MTMR11: variants seen among roughly 807,000 people sequenced by gnomAD.
MTMR11 encodes the protein myotubularin-related protein 11.
A neutral mutation model predicts 100.0 loss-of-function variants in MTMR11; 89 were observed. The ratio of observed to expected loss-of-function variants is 0.89; its 90% CI spans 0.75 to 1.06. The LOEUF (loss-of-function observed/expected upper bound fraction) is 1.06. Ranked by LOEUF, MTMR11 falls within the 50% of genes least tolerant of loss-of-function variation. MTMR11 has a pLI of 0.00. For synonymous variants in MTMR11, 336 were observed against 326.3 expected (o/e 1.03, Z -0.32); for missense variants, 809 against 873.7 (o/e 0.93, Z 0.93).
In MTMR11 at chr1:149,934,396, G is replaced by C. The variant is rs181227595; in HGVS notation, c.547+52C>G. The C allele has an allele frequency of 3.6e-4, 583 of 1,613,382 alleles. 1 individual carries two copies. In the African/African-American group the frequency reaches 7.0e-3, roughly 19 times the overall value. On this transcript the variant is annotated intron_variant, in intron 6 of 16. Transcript: ENST00000439741. The stretch of plus-strand genomic sequence containing the variant: ...ACAGCTTCTCAGCTCTTTGTCATCA[G>C]CCATCCTCTGCTTTTTCAGACTCTT...
At chr1:149,935,484 T>C (rs1461205458) in intron 3 of MTMR11, 100 bp downstream of exon 3, 10 of 1,577,946 alleles carry the variant, frequency 6.3e-6, no homozygotes, top group African/African-American at 1.3e-5. Flanking sequence ...AATGATACAT[T>C]CAAAAGACAG....
chr1:149,934,167 G>C (rs1250471100), intron 7 of MTMR11, 24 bp downstream of exon 7: 1 of 1,613,480 alleles, frequency 6.2e-7, no homozygotes, highest in Non-Finnish European at 8.5e-7. Context: ...AGAGCAGCAG[G>C]GTTGGGGTGC....
At position 149,935,320 on chromosome 1, in the gene MTMR11, T is replaced by C; in HGVS notation, c.304A>G (p.Asn102Asp). ...TTACCAGCCTCTAATCGTCCAATGTTGACCAGGGCAAAATCGTATTCACTG... is the reference window on the plus strand; with the variant it reads ...TTACCAGCCTCTAATCGTCCAATGTCGACCAGGGCAAAATCGTATTCACTG... ...LNSEYDFALV[N>D]IGRLEAVSGL... Residue 102 changes from asparagine to aspartate, a missense_variant, in exon 4 of 17, where the codon AAC becomes GAC. Transcript: ENST00000439741. 1 of 1,613,730 alleles carries C rather than the reference T, an allele frequency of 6.2e-7. No homozygotes were observed. Among genetic ancestry groups the C allele is most frequent in the Non-Finnish European group, 8.5e-7 (1 of 1,179,866 alleles).
At position 149,932,173 on chromosome 1, in the gene MTMR11, G is replaced by C. The variant is rs2092668942; in HGVS notation, c.1052+91C>G. On this transcript the variant is annotated intron_variant, in intron 11 of 16. Coordinates refer to ENST00000439741, the MANE Select transcript of MTMR11 (RefSeq NM_001145862.2). ...AGTCTTCTTGGGAAACCGAGGAGAA[G>C]AACTAAAGAAAGGCCATTTAGGACC... 3 of 1,438,218 alleles carry C rather than the reference G, an allele frequency of 2.1e-6. No homozygotes were observed. The East Asian group carries it at 6.8e-5, about 33-fold the overall frequency. 89.1% of individuals were successfully genotyped at this position (1,438,218 alleles called of 1,614,324 possible).
At position 149,935,694 on chromosome 1, in the gene MTMR11, G is replaced by A. The variant is rs1347776009; in HGVS notation, c.154C>T (p.Leu52=). The change falls in exon 3 of 17, where the codon CTA becomes TTA. Residue 52 remains leucine, a synonymous_variant. Transcript: ENST00000439741. ...TTCCTCACCCCTGGGGCCCATGCTA[G>A]GATCTGCTCCCCTAAAGGGGAAGAA... is the stretch of plus-strand genomic sequence containing the variant. ...ASRCLPGEQI[L]AWAPGVRKGL... is the part of the protein sequence containing the mutation. The A allele has an allele frequency of 6.2e-7, 1 of 1,607,034 alleles. No individual in the cohort carries two copies. The highest frequency in any genetic ancestry group is 8.5e-7 in the Non-Finnish European group (1 of 1,176,764).
rs144230247 is a variant in MTMR11, at chr1:149,929,874, A to G, written c.1690T>C (p.Phe564Leu). Residue 564 changes from phenylalanine to leucine, a missense_variant, in exon 16 of 17, where the codon TTC becomes CTC. By Grantham distance (22) the Phe-to-Leu change is conservative. Transcript: ENST00000439741. ...VPGPPSSVWL[F>L]SRGALTPLNQ... The stretch of plus-strand genomic sequence containing the variant: ...AGGGGGGTCAATGCTCCTCTAGAGA[A>G]GAGCCACACAGAACTGGGGGGTCCA... 447 of 1,614,138 alleles carry G rather than the reference A, an allele frequency of 2.8e-4. 1 individual carries two copies. Among genetic ancestry groups the G allele is most frequent in the Middle Eastern group, 1.3e-3 (8 of 6,062 alleles).
chr1:149,936,286 C>G, intron 1 of MTMR11, 57 bp from the exon 2 acceptor site: 1 of 1,608,446 alleles, frequency 6.2e-7, no homozygotes. Flanking sequence ...CCCCAACTCC[C>G]CAGAGGCAGC....
chr1:149,930,740 G>C, intron 14 of MTMR11, 52 bp downstream of exon 14: 1 of 1,499,104 alleles, frequency 6.7e-7, no homozygotes. Context: ...AAACTTCAGA[G>C]AGTACATCTC....
chr1:149,933,175 T>A (rs1375506003), intron 10 of MTMR11, among the ~76,000 whole-genome samples: 1 of 151,876 alleles, frequency 6.6e-6, no homozygotes, highest in Non-Finnish European at 1.5e-5. Context: ...AGGTTGGTCT[T>A]GAACTCCTGC....
Position 149,933,716 on chromosome 1 carries a change from G to A in MTMR11, c.772-18C>T, listed in dbSNP as rs1553768214. 1 of 1,613,926 alleles carries A rather than the reference G, an allele frequency of 6.2e-7. No individual in the cohort carries two copies. The highest frequency in any genetic ancestry group is 2.2e-5 in the East Asian group (1 of 44,886). On this transcript the variant is annotated intron_variant, in intron 8 of 16. Transcript: ENST00000439741. ...GACAAGCGCTTCACATGGGGCAGAA[G>A]AGGGTCATTGTGGGAGAAATGCCTA...
chr1:149,930,847 TCAGGAACCC>T lies in MTMR11; in HGVS notation c.1400_1408del (p.Arg467_Asp470delinsAsn), dbSNP rs2092649134. 1 of 1,609,510 alleles carries T rather than the reference TCAGGAACCC, an allele frequency of 6.2e-7. No homozygotes were observed. The highest frequency in any genetic ancestry group is 1.7e-5 in the Admixed American group (1 of 58,980). On this transcript the variant is annotated inframe_deletion, in exon 14 of 17. Transcript: ENST00000439741. The stretch of plus-strand genomic sequence containing the variant: ...GGTATTTCTCAGGAAGGTAAGGGTG[TCAGGAACCC>T]TGACACTGTCATGAAGAGCAAGAAG...
chr1:149,933,565 C>T (rs782381450), intron 9 of MTMR11, 35 bp from the exon 10 acceptor site: 2 of 1,614,124 alleles, frequency 1.2e-6, no homozygotes, highest in Non-Finnish European at 1.7e-6. Flanking sequence ...AAGGAGTCTA[C>T]CCTGAGCACC....
At chr1:149,934,033 T>C (rs1559808291) in intron 7 of MTMR11, 91 bp from the exon 8 acceptor site, 4 of 1,536,678 alleles carry the variant, frequency 2.6e-6, no homozygotes, top group South Asian at 2.3e-5. Context: ...AGAGGGACCA[T>C]TCCAAGGGAT....
chr1:149,933,581 C>G, intron 9 of MTMR11, 29 bp downstream of exon 9: 2 of 1,614,120 alleles, frequency 1.2e-6, no homozygotes, highest in Non-Finnish European at 8.5e-7. Flanking sequence ...GCACCTAACC[C>G]TTGATTCTTC....
At chr1:149,936,328 G>A in intron 1 of MTMR11, 99 bp from the exon 2 acceptor site, 2 of 1,543,564 alleles carry the variant, frequency 1.3e-6, no homozygotes, top group Non-Finnish European at 1.7e-6. Flanking sequence ...ACACTCTCGG[G>A]GGAAACTGAG....
chr1:149,932,130 T>A lies in MTMR11; in HGVS notation c.1053-116A>T, dbSNP rs587624287. 5 of 1,391,124 alleles carry A rather than the reference T, an allele frequency of 3.6e-6. No individual in the cohort carries two copies. The South Asian group carries it at 5.8e-5, about 16-fold the overall frequency. 86.2% of individuals were successfully genotyped at this position (1,391,124 alleles called of 1,614,324 possible). A position where few individuals can be genotyped will look rare whatever the true frequency, so the allele number is the denominator to read the frequency against. The stretch of plus-strand genomic sequence containing the variant: ...CTCCAAATCCTACCCCTCCTCCTTC[T>A]AAAGAGCAGAAAATGGCAGTCTTCT... On this transcript the variant is annotated intron_variant, in intron 11 of 16. Coordinates refer to ENST00000439741, the MANE Select transcript of MTMR11 (RefSeq NM_001145862.2).
chr1:149,929,543 C>G, intron 16 of MTMR11, 80 bp downstream of exon 16: 3 of 1,493,512 alleles, frequency 2.0e-6, no homozygotes. Flanking sequence ...GCTTCAGCTC[C>G]TTGCCTTTCC....
Position 149,934,248 on chromosome 1 carries a change from T to C in MTMR11, c.626A>G (p.Gln209Arg). The change falls in exon 7 of 17, where the codon CAG (glutamine) becomes CGG (arginine). Residue 209 changes from glutamine (Q) to arginine (R), a missense_variant. By Grantham distance (43) the Gln-to-Arg change is conservative. Transcript: ENST00000439741. The part of the protein sequence containing the change: ...AEDWETERKK[Q>R]AARGWRVSTV... ...GCTGACCCTCCAGCCTCTGGCTGCC[T>C]GCTTCTTCCGCTCAGTCTCCCAGTC... 1.1e-5 allele frequency: 17 copies of C among 1,614,202 alleles called. No homozygotes were observed. The highest frequency in any genetic ancestry group is 1.4e-5 in the Non-Finnish European group (17 of 1,180,042).
In MTMR11 at chr1:149,933,962, T is replaced by C. The variant is rs368747013; in HGVS notation, c.684-20A>G. The C allele has an allele frequency of 9.3e-6, 15 of 1,606,230 alleles. No individual in the cohort carries two copies. The African/African-American group carries it at 1.5e-4, about 16-fold the overall frequency. ...GGGAGGCTGTGAAATGAGAGTGATA[T>C]TACAGTTTGGCTCAGTGACTTCATT... is the stretch of plus-strand genomic sequence containing the variant. On this transcript the variant is annotated intron_variant, in intron 7 of 16. Transcript: ENST00000439741.
Sources: allele counts gnomAD v4.1 joint callset (sites outside exome capture counted in the v4.1 genomes callset), GRCh38; gene constraint gnomAD v4.1.1; transcripts MANE v1.5; gene names NCBI Gene and HGNC (gene_info 2026-07-23, HGNC 2026-07-21).